DCLK1: variants seen among roughly 807,000 people sequenced by gnomAD.
DCLK1 encodes doublecortin like kinase 1.
DCLK1 carries 16 observed loss-of-function variants against 86.2 expected under a neutral mutation model. That is an observed-to-expected ratio of 0.19 (90% confidence interval 0.13 to 0.28). The LOEUF (loss-of-function observed/expected upper bound fraction) is 0.28, where lower values mean the gene tolerates loss of function less well. Ranked by LOEUF, DCLK1 falls within the 10% of genes least tolerant of loss-of-function variation. The pLI is 1.00. For synonymous variants in DCLK1, 369 were observed against 370.5 expected (o/e 1.00, Z 0.05); for missense variants, 590 against 940.2 (o/e 0.63, Z 4.87).
At chr13:35,836,933 C>T (rs1448003297) in intron 7 of DCLK1, among the ~76,000 whole-genome samples, 1 of 152,162 alleles carries the variant, frequency 6.6e-6, no homozygotes, top group African/African-American at 2.4e-5. Context: ...TAACCTTTAA[C>T]ATCTTAAGGG....
At chr13:35,998,402 C>G (rs898646583) in intron 3 of DCLK1, among the ~76,000 whole-genome samples, 2 of 152,090 alleles carry the variant, frequency 1.3e-5, no homozygotes, top group African/African-American at 4.8e-5. Context: ...AACCTCACAC[C>G]CACATTGATG....
intron 3 of DCLK1, among the ~76,000 whole-genome samples, chr13:36,098,252 C>A (rs772686832): frequency 6.6e-6 from 1 of 152,180 alleles, no homozygotes; most frequent in Non-Finnish European, 1.5e-5. Context: ...GCAATCTTCA[C>A]GTAAACTGGA....
In DCLK1 at chr13:35,948,244, T is replaced by C. The variant is rs148803347; in HGVS notation, c.724-787A>G. Among the ~76,000 whole-genome samples, 1,230 of 152,388 alleles carry C rather than the reference T, an allele frequency of 8.1e-3. 9 individuals carry two copies. The highest frequency in any genetic ancestry group is 0.022 in the South Asian group (104 of 4,830). ...TTTGGATAGACTATGTAATATTTTG[T>C]TCACATTATGTGTAATACCAACACT... On this transcript the variant is annotated intron_variant, in intron 3 of 16. Transcript: ENST00000360631.
At chr13:35,953,141 T>C (rs1235624678) in intron 3 of DCLK1, among the ~76,000 whole-genome samples, 1 of 152,232 alleles carries the variant, frequency 6.6e-6, no homozygotes, top group East Asian at 1.9e-4. Flanking sequence ...ATATACATGA[T>C]AACACTGAAT....
chr13:36,014,557 C>T (rs1160963892), intron 3 of DCLK1, among the ~76,000 whole-genome samples: 1 of 152,156 alleles, frequency 6.6e-6, no homozygotes, highest in Non-Finnish European at 1.5e-5. Context: ...TCCTGATGAA[C>T]TGTTTCCAGA....
At chr13:36,122,662 C>T (rs1266996339) in intron 2 of DCLK1, among the ~76,000 whole-genome samples, 2 of 151,970 alleles carry the variant, frequency 1.3e-5, no homozygotes, top group African/African-American at 4.8e-5. Context: ...GAATCACTTG[C>T]GGAAATAGGC....
intron 5 of DCLK1, among the ~76,000 whole-genome samples, chr13:35,867,805 G>A (rs61949290): frequency 0.017 from 2,472 of 147,146 alleles, 39 homozygotes; most frequent in Non-Finnish European, 0.023. Context: ...TAACATGTAC[G>A]CAAGAATCTG....
At chr13:36,121,186 G>T (rs961007391) in intron 2 of DCLK1, among the ~76,000 whole-genome samples, 1 of 152,184 alleles carries the variant, frequency 6.6e-6, no homozygotes, top group Non-Finnish European at 1.5e-5. Flanking sequence ...GTCAGTAAAA[G>T]AACACAGTAG....
At chr13:35,867,963 A>AAGAAAGAAAGAG (rs796441369) in intron 5 of DCLK1, among the ~76,000 whole-genome samples, 6,982 of 132,996 alleles carry the variant, frequency 0.052, 298 homozygotes, top group Non-Finnish European at 0.063. Flanking sequence ...GAAAGAAAGA[A>AAGAAAGAAAGAG]AGAGAAAAAG....
intron 4 of DCLK1, among the ~76,000 whole-genome samples, chr13:35,942,316 G>A (rs1277658777): frequency 2.6e-5 from 4 of 152,048 alleles, no homozygotes; most frequent in Non-Finnish European, 5.9e-5. Flanking sequence ...ACAGGTGCAT[G>A]CCACCACACC....
chr13:35,929,866 T>TTC (rs998354165), intron 4 of DCLK1, among the ~76,000 whole-genome samples: 2 of 150,886 alleles, frequency 1.3e-5, no homozygotes, highest in East Asian at 1.9e-4. Flanking sequence ...TTTTTTTCTT[T>TTC]TTTTTTTTTT....
At chr13:35,968,462 T>C (rs12428319) in intron 3 of DCLK1, among the ~76,000 whole-genome samples, 54,452 of 152,060 alleles carry the variant, frequency 0.36, 10,921 homozygotes, top group Non-Finnish European at 0.44. Context: ...AGAATTCCCC[T>C]TAGCTTCCTT....
chr13:35,830,101 C>T lies in DCLK1; in HGVS notation c.1230-1794G>A, dbSNP rs552563762. 5.9e-5 allele frequency among the ~76,000 whole-genome samples: 9 copies of T among 152,202 alleles called. No homozygotes were observed. In the South Asian group the frequency reaches 1.5e-3, roughly 25 times the overall value. On this transcript the variant is annotated intron_variant, in intron 8 of 16. Transcript: ENST00000360631. ...AATATTTAACATTAGAAATTTAAAA[C>T]GTGGGTTGGGGCAGTGGCTCATGCC...
chr13:36,079,807 C>T (rs1334105498), intron 3 of DCLK1, among the ~76,000 whole-genome samples: 3 of 152,098 alleles, frequency 2.0e-5, no homozygotes, highest in Admixed American at 2.0e-4. Flanking sequence ...AAAAGGCAAG[C>T]AATGAAGGGA....
chr13:35,993,474 G>A (rs1880329475), intron 3 of DCLK1, among the ~76,000 whole-genome samples: 2 of 152,032 alleles, frequency 1.3e-5, no homozygotes, highest in Non-Finnish European at 2.9e-5. Context: ...CTGACAGAAG[G>A]CAGGAGGCAG....
intron 3 of DCLK1, among the ~76,000 whole-genome samples, chr13:35,976,684 C>G (rs1471949900): frequency 6.6e-6 from 1 of 151,726 alleles, no homozygotes; most frequent in African/African-American, 2.4e-5. Flanking sequence ...GCGCCCGCCA[C>G]TGCGCCCGGC....
intron 16 of DCLK1, among the ~76,000 whole-genome samples, chr13:35,778,810 G>A (rs1398811452): frequency 6.6e-6 from 1 of 152,136 alleles, no homozygotes; most frequent in African/African-American, 2.4e-5. Flanking sequence ...GACTCAACCT[G>A]TGAATCTTTC....
chr13:35,901,596 GT>G (rs1874372513), intron 4 of DCLK1, among the ~76,000 whole-genome samples: 1 of 151,708 alleles, frequency 6.6e-6, no homozygotes, highest in African/African-American at 2.4e-5. Context: ...AGAGCCAGAG[GT>G]TTGGTAGTTA....
At chr13:35,802,308 G>C (rs1048278919) in intron 15 of DCLK1, among the ~76,000 whole-genome samples, 4 of 151,184 alleles carry the variant, frequency 2.6e-5, no homozygotes, top group African/African-American at 9.7e-5. Context: ...TTCCAGCCTG[G>C]GTGACAGAGT....
Sources: allele counts gnomAD v4.1 joint callset (sites outside exome capture counted in the v4.1 genomes callset), GRCh38; gene constraint gnomAD v4.1.1; transcripts MANE v1.5; gene names NCBI Gene and HGNC (gene_info 2026-07-23, HGNC 2026-07-21).